CUBN: variants seen among roughly 807,000 people sequenced by gnomAD.
CUBN encodes cubilin, also known as 460 kDa receptor.
In CUBN, 282 loss-of-function variants were observed where a neutral mutation model predicts 405.3. The observed-to-expected ratio is 0.70, with a 90% CI of 0.63 to 0.77. The LOEUF (loss-of-function observed/expected upper bound fraction) is 0.77. CUBN is among the 30% of genes least tolerant of loss of function. The probability of loss-of-function intolerance (pLI) is 0.00; values close to 1 mark genes in which losing one functional copy is unlikely to be tolerated. For missense variants in CUBN, 4,514 were observed against 4,475.2 expected (o/e 1.01, Z -0.25); for synonymous variants, 1,684 against 1,617.0 (o/e 1.04, Z -0.99).
intron 59 of CUBN, among the ~76,000 whole-genome samples, chr10:16,862,220 T>C (rs1354669700): frequency 2.0e-5 from 3 of 151,518 alleles, no homozygotes; most frequent in African/African-American, 2.4e-5. Context: ...TTTTTATCAA[T>C]TGCCACAGAG....
At chr10:17,091,648 T>C (rs1836262123) in intron 14 of CUBN, among the ~76,000 whole-genome samples, 2 of 152,170 alleles carry the variant, frequency 1.3e-5, no homozygotes, top group Admixed American at 1.3e-4. Flanking sequence ...AAGAGGCTTT[T>C]AATGGGAAGT....
chr10:17,017,032 G>A (rs1834345598), intron 28 of CUBN, among the ~76,000 whole-genome samples: 2 of 152,112 alleles, frequency 1.3e-5, no homozygotes. Flanking sequence ...AGAAAAAAAT[G>A]AGCCACCTCT....
chr10:16,923,196 C>T (rs1456867932), intron 43 of CUBN, among the ~76,000 whole-genome samples: 1 of 151,830 alleles, frequency 6.6e-6, no homozygotes, highest in African/African-American at 2.4e-5. Flanking sequence ...ACTGTGAACT[C>T]CTTGGCAGAA....
At chr10:16,859,516 T>C (rs920779614) in intron 59 of CUBN, among the ~76,000 whole-genome samples, 3 of 152,158 alleles carry the variant, frequency 2.0e-5, no homozygotes, top group Non-Finnish European at 4.4e-5. Context: ...TCCCCAGTTA[T>C]AGAAAGCAAT....
At chr10:16,880,135 G>A (rs1840626957) in intron 56 of CUBN, among the ~76,000 whole-genome samples, 1 of 152,154 alleles carries the variant, frequency 6.6e-6, no homozygotes, top group African/African-American at 2.4e-5. Context: ...CCAATGAATT[G>A]CTCCTTTGTG....
chr10:16,954,065 T>C (rs556508568), intron 32 of CUBN, among the ~76,000 whole-genome samples: 2 of 152,328 alleles, frequency 1.3e-5, no homozygotes, highest in South Asian at 2.1e-4. Flanking sequence ...TTGTAATTGA[T>C]AGCAGTGTAT....
rs757783803 is a variant in CUBN, at chr10:16,948,469, G to T, written c.5209+9C>A. 1 of 1,613,788 alleles carries T rather than the reference G, an allele frequency of 6.2e-7. No homozygotes were observed. Among genetic ancestry groups the T allele is most frequent in the Non-Finnish European group, 8.5e-7 (1 of 1,179,858 alleles). Reference sequence around the variant, plus strand: ...TTAACCGCTAGAGTCAGGTGCTAGGGTTTCTTACCCGACACTGATGCGGTG... The same window carrying T: ...TTAACCGCTAGAGTCAGGTGCTAGGTTTTCTTACCCGACACTGATGCGGTG... On this transcript the variant is annotated intron_variant, in intron 35 of 66. Transcript: ENST00000377833.
chr10:16,875,219 G>C (rs974753986), intron 57 of CUBN, among the ~76,000 whole-genome samples: 2 of 151,986 alleles, frequency 1.3e-5, no homozygotes, highest in Non-Finnish European at 2.9e-5. Flanking sequence ...AGATCCATTA[G>C]TCAATAAAAC....
intron 29 of CUBN, among the ~76,000 whole-genome samples, chr10:16,989,802 C>T (rs2131713993): frequency 6.6e-6 from 1 of 152,316 alleles, no homozygotes; most frequent in South Asian, 2.1e-4. Flanking sequence ...GCCCTGGCGG[C>T]CCCTTGAAGA....
Position 17,122,764 on chromosome 10 carries a change from G to C in CUBN, c.593+31C>G, listed in dbSNP as rs748432978. On this transcript the variant is annotated intron_variant, in intron 6 of 66. Coordinates refer to ENST00000377833, the MANE Select transcript of CUBN (RefSeq NM_001081.4). The stretch of plus-strand genomic sequence containing the variant: ...TGTTTTAGGCCTTCAAAAATATACT[G>C]ATATTTACCAAAAAAAAAAAAAAAA... 3 of 1,287,250 alleles carry C rather than the reference G, an allele frequency of 2.3e-6. No homozygotes were observed. In the South Asian group the frequency reaches 3.6e-5, roughly 16 times the overall value. The allele number at this position is 1,287,250 out of a possible 1,614,324, so 79.7% of individuals were successfully genotyped here.
intron 60 of CUBN, among the ~76,000 whole-genome samples, chr10:16,848,244 C>T (rs1839578012): frequency 6.6e-6 from 1 of 152,146 alleles, no homozygotes; most frequent in South Asian, 2.1e-4. Context: ...AGAGTAAATC[C>T]AGTCAACTCT....
intron 14 of CUBN, among the ~76,000 whole-genome samples, chr10:17,096,760 TC>T (rs1172908560): frequency 2.0e-5 from 3 of 152,030 alleles, no homozygotes; most frequent in African/African-American, 7.2e-5. Context: ...ATAAAGTAAA[TC>T]TTAACAAATT....
intron 45 of CUBN, among the ~76,000 whole-genome samples, chr10:16,917,767 T>G (rs558651512): frequency 2.0e-5 from 3 of 152,334 alleles, no homozygotes; most frequent in Non-Finnish European, 4.4e-5. Flanking sequence ...TTCAAACATT[T>G]ACACTCCTTA....
At chr10:17,037,837 C>A (rs1834931541) in intron 27 of CUBN, among the ~76,000 whole-genome samples, 1 of 152,216 alleles carries the variant, frequency 6.6e-6, no homozygotes, top group African/African-American at 2.4e-5. Context: ...CCTGCTCTCG[C>A]CCCACAAACA....
chr10:16,925,782 C>G lies in CUBN; in HGVS notation c.6272-8G>C, dbSNP rs556359260. On this transcript the variant is annotated splice_polypyrimidine_tract_variant and splice_region_variant and intron_variant, in intron 41 of 66. Coordinates refer to ENST00000377833, the MANE Select transcript of CUBN (RefSeq NM_001081.4). ...GCAAATATCCACCGCAGCCTTCCCA[C>G]AAAGAAACAAAGGTCGGTTATTTAA... 9 of 1,613,282 alleles carry G rather than the reference C, an allele frequency of 5.6e-6. No individual in the cohort carries two copies. In the East Asian group the frequency reaches 1.3e-4, roughly 24 times the overall value.
intron 8 of CUBN, 99 bp downstream of exon 8, chr10:17,113,928 T>C: frequency 8.3e-7 from 1 of 1,211,616 alleles, no homozygotes; most frequent in South Asian, 1.3e-5. Flanking sequence ...GAACACCTCC[T>C]AAGAATTGTC....
chr10:17,120,660 T>A (rs12572371), intron 6 of CUBN, among the ~76,000 whole-genome samples: 29,788 of 152,178 alleles, frequency 0.2, 3,796 homozygotes, highest in Non-Finnish European at 0.29. Flanking sequence ...TGTGTGTGGA[T>A]AAAGAACTCT....
intron 22 of CUBN, among the ~76,000 whole-genome samples, chr10:17,054,928 T>C (rs1835357125): frequency 6.6e-6 from 1 of 152,116 alleles, no homozygotes; most frequent in African/African-American, 2.4e-5. Context: ...GAGGAGAAGA[T>C]ATTTTCTAAC....
chr10:16,880,488 G>C (rs1453364250), intron 56 of CUBN, among the ~76,000 whole-genome samples: 1 of 152,250 alleles, frequency 6.6e-6, no homozygotes, highest in Non-Finnish European at 1.5e-5. Flanking sequence ...GCAGCAATCA[G>C]CAAAAAGAGC....
Sources: allele counts gnomAD v4.1 joint callset (sites outside exome capture counted in the v4.1 genomes callset), GRCh38; gene constraint gnomAD v4.1.1; transcripts MANE v1.5; gene names NCBI Gene and HGNC (gene_info 2026-07-23, HGNC 2026-07-21).